Variants in COL4A2 observed in about 807,000 individuals in gnomAD.
The protein encoded by COL4A2 is collagen type IV alpha 2 chain, also known as collagen alpha-2(IV) chain.
In COL4A2, 99 loss-of-function variants were observed where a neutral mutation model predicts 200.2. That is an observed-to-expected ratio of 0.49 (90% CI 0.42 to 0.58). COL4A2 has a LOEUF of 0.58. COL4A2 is among the 20% of genes least tolerant of loss of function. The pLI is 0.00. For synonymous variants in COL4A2, 897 were observed against 900.6 expected (o/e 1.00, Z 0.07); for missense variants, 1,950 against 2,314.1 (o/e 0.84, Z 3.23).
intron 22 of COL4A2, 116 bp downstream of exon 22, chr13:110,459,050 C>A: frequency 9.6e-7 from 1 of 1,045,040 alleles, no homozygotes; most frequent in Non-Finnish European, 1.3e-6. Flanking sequence ...CACTCATGGA[C>A]CCAAGGCATG....
At chr13:110,473,330 G>A (rs1321389183) in intron 29 of COL4A2, 180 bp downstream of exon 29, 1 of 563,496 alleles carries the variant, frequency 1.8e-6, no homozygotes, top group Non-Finnish European at 3.0e-6. Flanking sequence ...ACAACACTGT[G>A]ACTACCCACG....
At chr13:110,390,298 G>A (rs189295778) in intron 4 of COL4A2, among the ~76,000 whole-genome samples, 46 of 152,342 alleles carry the variant, frequency 3.0e-4, no homozygotes, top group African/African-American at 8.4e-4. Context: ...TCTTGAGCTC[G>A]TTGGGAATTC....
intron 4 of COL4A2, among the ~76,000 whole-genome samples, chr13:110,366,676 T>C (rs1282245875): frequency 6.6e-6 from 1 of 152,208 alleles, no homozygotes; most frequent in Non-Finnish European, 1.5e-5. Context: ...TGGGGTCCCT[T>C]CATCTCTGCT....
chr13:110,408,102 C>T (rs1879639819), intron 4 of COL4A2, among the ~76,000 whole-genome samples: 1 of 152,024 alleles, frequency 6.6e-6, no homozygotes, highest in South Asian at 2.1e-4. Flanking sequence ...AAGAGAGCAG[C>T]AAAACTCCAA....
At chr13:110,455,292 C>T (rs1419751552) in intron 20 of COL4A2, among the ~76,000 whole-genome samples, 1 of 152,174 alleles carries the variant, frequency 6.6e-6, no homozygotes, top group African/African-American at 2.4e-5. Flanking sequence ...ACTCTGCGGG[C>T]GCTGGCCTTC....
intron 4 of COL4A2, among the ~76,000 whole-genome samples, chr13:110,359,436 C>T (rs1877424537): frequency 6.6e-6 from 1 of 152,196 alleles, no homozygotes; most frequent in Admixed American, 6.5e-5. Flanking sequence ...TCCCTGGACT[C>T]ATGTATCTAC....
intron 40 of COL4A2, among the ~76,000 whole-genome samples, chr13:110,500,108 C>A (rs1883590747): frequency 6.6e-6 from 1 of 152,220 alleles, no homozygotes; most frequent in African/African-American, 2.4e-5. Context: ...GAATGGAATC[C>A]TTTCCCCTGG....
At chr13:110,417,020 T>C (rs940445145) in intron 4 of COL4A2, among the ~76,000 whole-genome samples, 3 of 151,976 alleles carry the variant, frequency 2.0e-5, no homozygotes, top group African/African-American at 7.2e-5. Flanking sequence ...CTCACTCTGT[T>C]GCCAGGCTGG....
chr13:110,324,520 C>T (rs1594146165), intron 3 of COL4A2, among the ~76,000 whole-genome samples: 1 of 152,216 alleles, frequency 6.6e-6, no homozygotes, highest in South Asian at 2.1e-4. Context: ...GGACATGAAG[C>T]CCCAGTCCTG....
chr13:110,456,664 T>C, intron 20 of COL4A2: 1 of 427,176 alleles, frequency 2.3e-6, no homozygotes, highest in South Asian at 1.7e-5. Context: ...TATGGATCAT[T>C]TGGGGAGGCT....
At chr13:110,399,892 T>G (rs1879312579) in intron 4 of COL4A2, among the ~76,000 whole-genome samples, 1 of 152,222 alleles carries the variant, frequency 6.6e-6, no homozygotes. Context: ...GCTTGATAAT[T>G]GCAGAAGTTC....
At chr13:110,435,148 T>C (rs1880824540) in intron 12 of COL4A2, among the ~76,000 whole-genome samples, 1 of 152,228 alleles carries the variant, frequency 6.6e-6, no homozygotes. Flanking sequence ...GTCCTGCTCA[T>C]GTGTGAAGAA....
In COL4A2 at chr13:110,449,781, G is replaced by T; in HGVS notation, c.1181G>T (p.Gly394Val). The change falls in exon 19 of 48, where the codon GGA (glycine) becomes GTA (valine). Residue 394 changes from glycine to valine, a missense_variant. By Grantham distance (109) the Gly-to-Val change is moderately radical. Coordinates refer to ENST00000360467, the MANE Select transcript of COL4A2 (RefSeq NM_001846.4). Reference sequence around the variant, plus strand: ...CCAGGTCCCCCTGGCCTCTCCATCGGAGATGGAGGTAATGTGGCTTCATAA... The same window carrying T: ...CCAGGTCCCCCTGGCCTCTCCATCGTAGATGGAGGTAATGTGGCTTCATAA... ...GLPGPPGLSIGDGDQRRGLPG... is the reference protein window; with the variant it reads ...GLPGPPGLSIVDGDQRRGLPG... 6.5e-7 allele frequency: 1 copy of T among 1,547,870 alleles called. No homozygotes were observed. Among genetic ancestry groups the T allele is most frequent in the South Asian group, 1.2e-5 (1 of 83,740 alleles).
intron 16 of COL4A2, 43 bp downstream of exon 16, chr13:110,439,876 C>T: frequency 6.2e-7 from 1 of 1,604,584 alleles, no homozygotes; most frequent in East Asian, 2.2e-5. Flanking sequence ...GGGCCCACGA[C>T]ATCCCACAGA....
chr13:110,307,341 C>G lies in COL4A2; in HGVS notation c.-232C>G, dbSNP rs7990009. 0.31 allele frequency: 89,653 copies of G among 293,478 alleles called. 14,138 individuals are homozygous for G. The highest frequency in any genetic ancestry group is 0.34 in the Admixed American group (6,468 of 18,898). The allele number at this position is 293,478 out of a possible 1,614,324, so 18.2% of individuals were successfully genotyped here. On this transcript the variant is annotated 5_prime_UTR_variant, in exon 1 of 48. Coordinates refer to ENST00000360467, the MANE Select transcript of COL4A2 (RefSeq NM_001846.4). The surrounding 1 kb of genome is among the most constrained non-coding windows in gnomAD (Gnocchi z 5.0). ...CTCCGCGCTCCGCACTCAAGAGGCTCCCGCGTCCCAACCCCTCGCGCCCGC... is the reference window on the plus strand; with the variant it reads ...CTCCGCGCTCCGCACTCAAGAGGCTGCCGCGTCCCAACCCCTCGCGCCCGC...
rs751590808 is a variant in COL4A2, at chr13:110,307,897, C to T, written c.-7C>T. ...TGACCGGGGCCCAGAGTGGACGAAC[C>T]GCCAGCATGGGGAGAGACCAGCGCG... On this transcript the variant is annotated 5_prime_UTR_variant, in exon 2 of 48. Coordinates refer to ENST00000360467, the MANE Select transcript of COL4A2 (RefSeq NM_001846.4). This position sits in a 1 kb window ranked among gnomAD's most constrained non-coding sequence, Gnocchi z 5.0. 9.9e-6 allele frequency: 16 copies of T among 1,612,052 alleles called. No homozygotes were observed. In the South Asian group the frequency reaches 1.7e-4, roughly 17 times the overall value.
At chr13:110,437,942 T>C in intron 13 of COL4A2, 60 bp from the exon 14 acceptor site, 1 of 1,375,454 alleles carries the variant, frequency 7.3e-7, no homozygotes, top group South Asian at 1.2e-5. Flanking sequence ...CCCTGATTGA[T>C]TTTTACCCAT....
intron 47 of COL4A2, among the ~76,000 whole-genome samples, chr13:110,509,266 T>TACACACAC (rs1380212410): frequency 5.9e-5 from 7 of 118,318 alleles, no homozygotes; most frequent in Non-Finnish European, 9.8e-5. Context: ...TATATATATA[T>TACACACAC]ATATACACAC....
At chr13:110,452,118 T>G (rs1317842041) in intron 20 of COL4A2, among the ~76,000 whole-genome samples, 1 of 108,664 alleles carries the variant, frequency 9.2e-6, no homozygotes, top group Admixed American at 8.9e-5. Flanking sequence ...TCAAAGTCTC[T>G]GTTTTGTTTG....
Sources: gnomAD v4.1 joint callset for allele counts (sites outside exome capture counted in the v4.1 genomes callset) on GRCh38, gnomAD v4.1.1 for gene constraint, Gnocchi (gnomAD v3.1) non-coding constraint, MANE v1.5 for transcripts, NCBI Gene and HGNC (gene_info 2026-07-23, HGNC 2026-07-21) for gene names.